HTT: variants seen among roughly 807,000 people sequenced by gnomAD.
The protein encoded by HTT is huntingtin, also known as huntington disease protein.
A neutral mutation model predicts 362.3 loss-of-function variants in HTT; 104 were observed. The observed-to-expected ratio is 0.29, with a 90% CI of 0.24 to 0.34. The LOEUF is 0.34. HTT is among the 10% of genes least tolerant of loss of function. The pLI, the probability that HTT is intolerant of heterozygous loss-of-function variation, is 1.00. For missense variants in HTT, 3,301 were observed against 3,928.6 expected (o/e 0.84, Z 4.27); for synonymous variants, 1,577 against 1,548.7 (o/e 1.02, Z -0.43).
chr4:3,140,007 C>A (rs1375960318), intron 21 of HTT, among the ~76,000 whole-genome samples: 5 of 151,894 alleles, frequency 3.3e-5, no homozygotes, highest in Admixed American at 2.0e-4. Context: ...TGTAATCCAG[C>A]ACTATGGGGG....
At chr4:3,131,424 T>C in intron 15 of HTT, 27 bp downstream of exon 15, 1 of 1,563,914 alleles carries the variant, frequency 6.4e-7, no homozygotes, top group Non-Finnish European at 8.8e-7. Flanking sequence ...ATGTGCACAG[T>C]TGAAGGAAAT....
At chr4:3,189,917 G>T in intron 40 of HTT, among the ~76,000 whole-genome samples, 1 of 152,136 alleles carries the variant, frequency 6.6e-6, no homozygotes, top group African/African-American at 2.4e-5. Flanking sequence ...TCAGGAGACT[G>T]AGGCTGGAGG....
chr4:3,165,711 G>A (rs768982705), intron 29 of HTT, among the ~76,000 whole-genome samples: 17 of 151,596 alleles, frequency 1.1e-4, no homozygotes, highest in Non-Finnish European at 1.5e-4. Context: ...ATCGGCTGTC[G>A]AAGCTTGTGT....
intron 11 of HTT, among the ~76,000 whole-genome samples, 173 bp from the exon 12 acceptor site, chr4:3,127,091 A>C (rs528529471): frequency 3.5e-4 from 53 of 152,368 alleles, no homozygotes; most frequent in African/African-American, 1.2e-3. Context: ...AGTGGGAGGC[A>C]GTGTGAGAGA....
At chr4:3,167,261 T>TG in intron 29 of HTT, among the ~76,000 whole-genome samples, 1 of 152,198 alleles carries the variant, frequency 6.6e-6, no homozygotes, top group East Asian at 1.9e-4. Flanking sequence ...TTAGTGGAGA[T>TG]GGGGTTTCAC....
intron 2 of HTT, 42 bp downstream of exon 2, chr4:3,087,064 T>C: frequency 9.1e-7 from 1 of 1,097,114 alleles, no homozygotes; most frequent in Non-Finnish European, 1.4e-6. Context: ...AAGAACTTTG[T>C]ATATTTTCAG....
At chr4:3,238,321 G>A (rs930959304) in intron 64 of HTT, 126 bp from the exon 65 acceptor site, 39 of 642,160 alleles carry the variant, frequency 6.1e-5, no homozygotes, top group African/African-American at 1.3e-4. Context: ...CCTCACGGCC[G>A]AGGGTCCCTC....
chr4:3,233,696 C>T (rs565379705), intron 61 of HTT, among the ~76,000 whole-genome samples: 61 of 152,390 alleles, frequency 4.0e-4, no homozygotes, highest in Non-Finnish European at 6.9e-4. Context: ...CTAGCCTCCT[C>T]TCTGCACCTT....
At position 3,218,310 on chromosome 4, in the gene HTT, T is replaced by A. The variant is rs1032316068; in HGVS notation, c.7242+358T>A. ...AGATAATTCATGTTTTTCTACACAG[T>A]TTTGCAGTTGTCTTCAGAATTGGTT... On this transcript the variant is annotated intron_variant, in intron 52 of 66. Coordinates refer to ENST00000355072, the MANE Select transcript of HTT (RefSeq NM_001388492.1). The surrounding 1 kb of genome is among the most constrained non-coding windows in gnomAD (Gnocchi z 4.4). Among the ~76,000 whole-genome samples, 17 of 152,124 alleles carry A rather than the reference T, an allele frequency of 1.1e-4. No homozygotes were observed. Among genetic ancestry groups the A allele is most frequent in the Non-Finnish European group, 2.5e-4 (17 of 68,022 alleles).
intron 20 of HTT, 80 bp downstream of exon 20, chr4:3,136,047 AT>A: frequency 1.9e-6 from 2 of 1,055,458 alleles, no homozygotes; most frequent in South Asian, 3.0e-5. Flanking sequence ...ATTTCTCTAA[AT>A]GCATTCGTCA....
chr4:3,208,719 TAAA>T (rs768955373), intron 45 of HTT, 51 bp from the exon 46 acceptor site: 207 of 1,208,310 alleles, frequency 1.7e-4, no homozygotes, highest in Admixed American at 3.5e-4. Flanking sequence ...AGACTAAGAC[TAAA>T]AAAAAAAAAA....
Position 3,160,308 on chromosome 4 carries a change from G to A in HTT, c.3780G>A (p.Thr1260=), listed in dbSNP as rs753867386. 12 of 1,552,502 alleles carry A rather than the reference G, an allele frequency of 7.7e-6. No homozygotes were observed. The highest frequency in any genetic ancestry group is 6.8e-5 in the African/African-American group (5 of 73,238). The change falls in exon 29 of 67, where the codon ACG becomes ACA. Residue 1260 remains threonine, a synonymous_variant. Coordinates refer to ENST00000355072, the MANE Select transcript of HTT (RefSeq NM_001388492.1). ...TCACGCTGGATCTTCAGAACAGCACGGAAAAGTTTGGAGGGTTTCTCCGCT... is the reference window on the plus strand; with the variant it reads ...TCACGCTGGATCTTCAGAACAGCACAGAAAAGTTTGGAGGGTTTCTCCGCT... ...YKVTLDLQNS[T]EKFGGFLRSA...
intron 3 of HTT, among the ~76,000 whole-genome samples, chr4:3,102,207 C>T (rs1714193590): frequency 2.6e-5 from 4 of 152,194 alleles, no homozygotes; most frequent in Non-Finnish European, 1.5e-5. Context: ...GGTGGCAGGG[C>T]TGTGAGGAGA....
chr4:3,178,383 A>G lies in HTT; in HGVS notation c.4549A>G (p.Ile1517Val). The G allele has an allele frequency of 6.2e-7, 1 of 1,613,674 alleles. No homozygotes were observed. Among genetic ancestry groups the G allele is most frequent in the Non-Finnish European group, 8.5e-7 (1 of 1,179,594 alleles). Residue 1517 changes from isoleucine to valine, a missense_variant, in exon 35 of 67, where the codon ATT becomes GTT. Ile to Val is a conservative substitution (Grantham distance 29). Coordinates refer to ENST00000355072, the MANE Select transcript of HTT (RefSeq NM_001388492.1). Reference protein sequence around the residue: ...ERYHSKQIIGIPKIIQLCDGI... With the variant: ...ERYHSKQIIGVPKIIQLCDGI... ...CTATCATTCAAAACAGATCATTGGA[A>G]TTCCTAAAATCATTCAGCTCTGTGA...
rs753154849 is a variant in HTT at position 3,129,962 on chromosome 4, G to C, written c.1782G>C (p.Gln594His). ...CCGACAACCAGTATTTGGGCCTGCA[G>C]ATTGGACAGCCCCAGGATGAAGATG... is the stretch of plus-strand genomic sequence containing the variant. Reference protein sequence around the residue: ...DGTDNQYLGLQIGQPQDEDEE... With the variant: ...DGTDNQYLGLHIGQPQDEDEE... The change falls in exon 13 of 67, where the codon CAG (glutamine) becomes CAC (histidine). Residue 594 changes from glutamine (Q) to histidine (H), a missense_variant. By Grantham distance (24) the Gln-to-His change is conservative. Transcript: ENST00000355072. 13 of 1,613,994 alleles carry C rather than the reference G, an allele frequency of 8.1e-6. No individual in the cohort carries two copies. In the Admixed American group the frequency reaches 1.8e-4, roughly 23 times the overall value.
chr4:3,236,080 C>T, intron 63 of HTT, 69 bp from the exon 64 acceptor site: 2 of 1,132,372 alleles, frequency 1.8e-6, no homozygotes, highest in Non-Finnish European at 2.7e-6. Context: ...CCCCTGTGTA[C>T]AAAGCACTGT....
At chr4:3,136,013 T>G in intron 20 of HTT, 46 bp downstream of exon 20, 1 of 1,367,132 alleles carries the variant, frequency 7.3e-7, no homozygotes, top group Non-Finnish European at 1.0e-6. Context: ...TTCAAGAAGG[T>G]GAAAGTGAGG....
At chr4:3,121,458 T>TA (rs1371952544) in intron 9 of HTT, 26 bp downstream of exon 9, 1 of 1,524,508 alleles carries the variant, frequency 6.6e-7, no homozygotes, top group Non-Finnish European at 9.1e-7. Flanking sequence ...GGTCTACTCT[T>TA]ACAATTAACT....
At chr4:3,142,374 A>T (rs1182284939) in intron 22 of HTT, among the ~76,000 whole-genome samples, 1 of 152,146 alleles carries the variant, frequency 6.6e-6, no homozygotes, top group Non-Finnish European at 1.5e-5. Context: ...GTTTGTATAT[A>T]ACTATAATGG....
Sources: gnomAD v4.1 joint callset for allele counts (sites outside exome capture counted in the v4.1 genomes callset) on GRCh38, gnomAD v4.1.1 for gene constraint, Gnocchi (gnomAD v3.1) non-coding constraint, MANE v1.5 for transcripts, NCBI Gene and HGNC (gene_info 2026-07-23, HGNC 2026-07-21) for gene names.